Variants in PAX3 observed in about 807,000 individuals in gnomAD.
The protein encoded by PAX3 is paired box protein Pax-3.
Under a neutral mutation model 51.6 loss-of-function variants are expected in PAX3, and 14 were observed. That is an observed-to-expected ratio of 0.27 (90% confidence interval 0.18 to 0.42). PAX3 has a LOEUF of 0.42. Among genes scored for constraint, PAX3 ranks in the 10% least tolerant of loss-of-function variants. The pLI, the probability that PAX3 is intolerant of heterozygous loss-of-function variation, is 1.00. For missense variants in PAX3, 540 were observed against 642.8 expected (o/e 0.84, Z 1.73); for synonymous variants, 280 against 253.4 (o/e 1.11, Z -1.00).
chr2:222,209,991 C>T (rs1025830608), intron 7 of PAX3, among the ~76,000 whole-genome samples: 8 of 152,170 alleles, frequency 5.3e-5, no homozygotes, highest in Admixed American at 1.3e-4. Context: ...GAAACTACTA[C>T]ACCATTAAGC....
intron 7 of PAX3, among the ~76,000 whole-genome samples, chr2:222,209,294 T>G (rs1266124085): frequency 1.3e-5 from 2 of 152,196 alleles, no homozygotes; most frequent in African/African-American, 4.8e-5. Context: ...ATCTATGAAA[T>G]GTCTGAAGAC....
At chr2:222,226,449 A>G (rs990541738) in intron 5 of PAX3, among the ~76,000 whole-genome samples, 4 of 152,118 alleles carry the variant, frequency 2.6e-5, no homozygotes, top group African/African-American at 9.7e-5. Context: ...CATGCATGTG[A>G]AAAGACCATG....
At position 222,293,953 on chromosome 2, in the gene PAX3, A is replaced by G. The variant is rs1229858938; in HGVS notation, c.586+214T>C. The G allele has an allele frequency of 5.2e-6, 8 of 1,525,242 alleles. No homozygotes were observed. In the Admixed American group the frequency reaches 1.8e-4, roughly 35 times the overall value. The allele number at this position is 1,525,242 out of a possible 1,614,324, so 94.5% of individuals were successfully genotyped here. A position where few individuals can be genotyped will look rare whatever the true frequency, so the allele number is the denominator to read the frequency against. On this transcript the variant is annotated intron_variant, in intron 4 of 8. Transcript: ENST00000392070. ...AAGTGGTTAAGAAAGAAAGATTTACAAAACAGAAAAACTAAGCAGAATAGA... is the reference window on the plus strand; with the variant it reads ...AAGTGGTTAAGAAAGAAAGATTTACGAAACAGAAAAACTAAGCAGAATAGA...
intron 4 of PAX3, among the ~76,000 whole-genome samples, chr2:222,252,226 C>T (rs540772797): frequency 4.1e-4 from 62 of 152,168 alleles, no homozygotes; most frequent in Admixed American, 5.2e-4. Context: ...TAACAGAGGC[C>T]AGTGGCCCCA....
At chr2:222,284,517 T>C (rs1273089148) in intron 4 of PAX3, among the ~76,000 whole-genome samples, 2 of 152,278 alleles carry the variant, frequency 1.3e-5, no homozygotes, top group Non-Finnish European at 2.9e-5. Flanking sequence ...TTATACCCAT[T>C]AAATCGAAGT....
At chr2:222,220,055 G>A in intron 7 of PAX3, 85 bp downstream of exon 7, 2 of 1,149,866 alleles carry the variant, frequency 1.7e-6, no homozygotes, top group South Asian at 1.3e-5. Flanking sequence ...TTTAAATTTG[G>A]CAATTCATTA....
At chr2:222,274,361 C>T (rs1021060485) in intron 4 of PAX3, among the ~76,000 whole-genome samples, 1 of 151,714 alleles carries the variant, frequency 6.6e-6, no homozygotes, top group Admixed American at 6.6e-5. Flanking sequence ...ATTAAAATCC[C>T]TCTGACCAAC....
intron 4 of PAX3, among the ~76,000 whole-genome samples, chr2:222,273,977 G>C (rs1207516938): frequency 6.6e-6 from 1 of 152,118 alleles, no homozygotes; most frequent in Admixed American, 6.5e-5. Context: ...TAAATTCGGA[G>C]TTTGGTACTT....
At chr2:222,276,179 T>C (rs1694414681) in intron 4 of PAX3, among the ~76,000 whole-genome samples, 1 of 152,150 alleles carries the variant, frequency 6.6e-6, no homozygotes. Flanking sequence ...CAGAATCATG[T>C]GCAACCCATT....
chr2:222,294,628 C>T (rs1201089571), intron 3 of PAX3, among the ~76,000 whole-genome samples: 6 of 151,962 alleles, frequency 3.9e-5, no homozygotes, highest in Admixed American at 3.9e-4. Context: ...ACTCCGAAGA[C>T]CGGGCTCTAG....
intron 4 of PAX3, among the ~76,000 whole-genome samples, chr2:222,281,951 G>A (rs984499622): frequency 6.6e-6 from 1 of 152,188 alleles, no homozygotes; most frequent in Non-Finnish European, 1.5e-5. Context: ...CTAGAATTAA[G>A]AAAATGCATC....
intron 8 of PAX3, 144 bp downstream of exon 8, chr2:222,201,800 A>G: frequency 6.4e-7 from 1 of 1,553,708 alleles, no homozygotes; most frequent in Non-Finnish European, 8.7e-7. Context: ...CCCTGCTGGA[A>G]CAGTCAGCTG....
At chr2:222,229,286 G>A (rs923621421) in intron 5 of PAX3, among the ~76,000 whole-genome samples, 25 of 149,598 alleles carry the variant, frequency 1.7e-4, no homozygotes, top group African/African-American at 5.9e-4. Context: ...TATTTATATA[G>A]TATTATATAA....
At chr2:222,291,969 GGTGTGTGTGTGTGTGTGTGTGT>G (rs3997675) in intron 4 of PAX3, among the ~76,000 whole-genome samples, 22 of 133,642 alleles carry the variant, frequency 1.6e-4, no homozygotes, top group Non-Finnish European at 2.9e-4. Flanking sequence ...CAGCCTCCAA[GGTGTGTGTGTGTGTGTGTGTGT>G]GTGTGTGTGT....
intron 2 of PAX3, 92 bp downstream of exon 2, chr2:222,296,886 G>T: frequency 9.7e-7 from 1 of 1,031,150 alleles, no homozygotes; most frequent in Non-Finnish European, 1.5e-6. Flanking sequence ...TCATTGGAGA[G>T]CCCCAGATGT....
At chr2:222,223,049 T>A (rs2106078057) in intron 5 of PAX3, among the ~76,000 whole-genome samples, 1 of 152,296 alleles carries the variant, frequency 6.6e-6, no homozygotes, top group East Asian at 1.9e-4. Context: ...TACAGAGCAA[T>A]GTTAACAATT....
In PAX3 at chr2:222,295,999, T is replaced by C. The variant is rs1286499952; in HGVS notation, c.322-342A>G. 2.6e-5 allele frequency among the ~76,000 whole-genome samples: 4 copies of C among 152,042 alleles called. No individual in the cohort carries two copies. The South Asian group carries it at 8.3e-4, about 32-fold the overall frequency. ...GGCAACTGCTTACACAGAACCAACA[T>C]GAAAACGAAACTAAAAAAGCGATGT... On this transcript the variant is annotated intron_variant, in intron 2 of 8. Coordinates refer to ENST00000392070, the MANE Select transcript of PAX3 (RefSeq NM_181458.4).
chr2:222,202,111 C>T lies in PAX3; in HGVS notation c.1253G>A (p.Gly418Asp), dbSNP rs1691316648. The T allele has an allele frequency of 5.6e-6, 9 of 1,613,616 alleles. No individual in the cohort carries two copies. The highest frequency in any genetic ancestry group is 1.6e-4 in the Middle Eastern group (1 of 6,084). Reference protein sequence around the residue: ...TDYALSPLTGGLEPTTTVSAS... With the variant: ...TDYALSPLTGDLEPTTTVSAS... ...CGACACCGTGGTGGTAGGTTCCAGA[C>T]CCCCGGTGAGAGGGGAGAGCGCGTA... is the stretch of plus-strand genomic sequence containing the variant. The change falls in exon 8 of 9, where the codon GGT becomes GAT. Residue 418 changes from glycine to aspartate, a missense_variant. Physicochemically the swap from Gly to Asp is moderately conservative, Grantham distance 94 (BLOSUM62 -1). Coordinates refer to ENST00000392070, the MANE Select transcript of PAX3 (RefSeq NM_181458.4).
chr2:222,257,206 A>ATTT (rs11351476), intron 4 of PAX3, among the ~76,000 whole-genome samples: 2,830 of 149,232 alleles, frequency 0.019, 30 homozygotes, highest in Middle Eastern at 0.067. Context: ...ATGGCTCAGC[A>ATTT]TTTTTTTTTT....
Sources: allele counts gnomAD v4.1 joint callset (sites outside exome capture counted in the v4.1 genomes callset), GRCh38; gene constraint gnomAD v4.1.1; transcripts MANE v1.5; gene names NCBI Gene and HGNC (gene_info 2026-07-23, HGNC 2026-07-21).